Variants in CDK14 observed in about 807,000 individuals in gnomAD.
The protein encoded by CDK14 is cyclin dependent kinase 14.
In CDK14, 34 loss-of-function variants were observed where a neutral mutation model predicts 60.7. The observed-to-expected ratio is 0.56, with a 90% confidence interval of 0.43 to 0.75. The LOEUF (loss-of-function observed/expected upper bound fraction) is 0.75, where lower values mean the gene tolerates loss of function less well. CDK14 is among the 30% of genes least tolerant of loss of function. CDK14 has a pLI of 0.00. For missense variants in CDK14, 482 were observed against 564.1 expected (o/e 0.85, Z 1.47); for synonymous variants, 197 against 203.7 (o/e 0.97, Z 0.28).
chr7:91,062,777 G>A (rs991557516), intron 11 of CDK14, among the ~76,000 whole-genome samples: 2 of 152,070 alleles, frequency 1.3e-5, no homozygotes, highest in African/African-American at 4.8e-5. Flanking sequence ...CCACCCCAAA[G>A]GTGTACTATA....
At chr7:91,048,997 C>T (rs1004182021) in intron 11 of CDK14, among the ~76,000 whole-genome samples, 5 of 152,002 alleles carry the variant, frequency 3.3e-5, no homozygotes, top group Non-Finnish European at 7.3e-5. Context: ...TGCTCAGCCT[C>T]TCAGGTAGCT....
chr7:91,096,065 CA>C (rs112016367), intron 12 of CDK14, among the ~76,000 whole-genome samples: 69 of 64,548 alleles, frequency 1.1e-3, no homozygotes, highest in Middle Eastern at 0.013. Flanking sequence ...CACAATTTGC[CA>C]AAAAAAAAAA....
chr7:90,667,794 CTCCTGACTTTGTGA>C (rs796744414), intron 2 of CDK14, among the ~76,000 whole-genome samples: 2 of 152,246 alleles, frequency 1.3e-5, no homozygotes, highest in African/African-American at 4.8e-5. Context: ...TGGTCTCAAT[CTCCTGACTTTGTGA>C]TCCGCCCGCC....
chr7:90,930,485 T>C (rs1584136368), intron 8 of CDK14, among the ~76,000 whole-genome samples: 1 of 150,784 alleles, frequency 6.6e-6, no homozygotes, highest in African/African-American at 2.4e-5. Flanking sequence ...TGGATATGGG[T>C]GATATGGGCA....
intron 1 of CDK14, among the ~76,000 whole-genome samples, chr7:90,599,661 C>T (rs1052011463): frequency 2.0e-5 from 3 of 152,140 alleles, no homozygotes; most frequent in Admixed American, 1.3e-4. Context: ...ATGAGGAGAT[C>T]GAAGAGTGAA....
chr7:91,199,529 A>G (rs1802652220), intron 14 of CDK14, among the ~76,000 whole-genome samples: 1 of 152,186 alleles, frequency 6.6e-6, no homozygotes, highest in Non-Finnish European at 1.5e-5. Context: ...CACCATTAAA[A>G]TAGAACATTC....
chr7:90,630,888 ATG>A (rs55859300), intron 2 of CDK14, among the ~76,000 whole-genome samples: 19,860 of 148,282 alleles, frequency 0.13, 1,458 homozygotes, highest in Non-Finnish European at 0.17. Flanking sequence ...TGGGGTGTGT[ATG>A]TGTGTGTGTG....
At chr7:90,626,556 A>G (rs1231986754) in intron 2 of CDK14, among the ~76,000 whole-genome samples, 1 of 152,252 alleles carries the variant, frequency 6.6e-6, no homozygotes, top group Non-Finnish European at 1.5e-5. Context: ...TGATGCATGT[A>G]TAATTCTAAT....
At chr7:90,735,661 C>T (rs1000703887) in intron 3 of CDK14, among the ~76,000 whole-genome samples, 7 of 152,208 alleles carry the variant, frequency 4.6e-5, no homozygotes, top group Admixed American at 1.3e-4. Context: ...TCAGCAAAGG[C>T]GATTCTCCCA....
intron 10 of CDK14, among the ~76,000 whole-genome samples, chr7:91,020,860 T>C (rs1210725610): frequency 1.3e-5 from 2 of 152,192 alleles, no homozygotes; most frequent in African/African-American, 4.8e-5. Flanking sequence ...AGCGTGGGTG[T>C]TGGCTGGACT....
At chr7:90,602,472 GTTAA>G (rs1230950320) in intron 1 of CDK14, among the ~76,000 whole-genome samples, 1 of 152,208 alleles carries the variant, frequency 6.6e-6, no homozygotes, top group Admixed American at 6.5e-5. Context: ...GTCAAAGTAT[GTTAA>G]TTAAAGGACA....
intron 6 of CDK14, among the ~76,000 whole-genome samples, chr7:90,895,801 T>C (rs558083855): frequency 6.7e-6 from 1 of 148,250 alleles, no homozygotes; most frequent in South Asian, 2.2e-4. Flanking sequence ...GTCTTGAACT[T>C]CTGACCTCAA....
At chr7:90,943,595 T>C (rs1197982683) in intron 8 of CDK14, among the ~76,000 whole-genome samples, 1 of 152,160 alleles carries the variant, frequency 6.6e-6, no homozygotes, top group Non-Finnish European at 1.5e-5. Flanking sequence ...AATAAGAATA[T>C]TAATAGCCTT....
At chr7:90,994,336 G>A (rs921454037) in intron 10 of CDK14, among the ~76,000 whole-genome samples, 2 of 152,164 alleles carry the variant, frequency 1.3e-5, no homozygotes, top group African/African-American at 4.8e-5. Context: ...TGGTGGTTGG[G>A]TTCCAAGAGT....
intron 5 of CDK14, among the ~76,000 whole-genome samples, chr7:90,836,212 T>C (rs1055841763): frequency 2.6e-5 from 4 of 152,168 alleles, no homozygotes; most frequent in African/African-American, 9.7e-5. Context: ...TTTTTTTACT[T>C]TATAAACTTT....
intron 4 of CDK14, among the ~76,000 whole-genome samples, chr7:90,759,421 G>A (rs772645066): frequency 6.6e-6 from 1 of 152,206 alleles, no homozygotes; most frequent in Non-Finnish European, 1.5e-5. Context: ...TTAAGCAAAA[G>A]TGTTTTGTTT....
intron 11 of CDK14, among the ~76,000 whole-genome samples, chr7:91,078,222 G>T (rs1798379988): frequency 6.6e-6 from 1 of 152,212 alleles, no homozygotes; most frequent in African/African-American, 2.4e-5. Flanking sequence ...TAAGGGAAAA[G>T]AAATTGGAAA....
chr7:91,104,068 T>A (rs938301317), intron 12 of CDK14, among the ~76,000 whole-genome samples: 1 of 152,214 alleles, frequency 6.6e-6, no homozygotes, highest in African/African-American at 2.4e-5. Context: ...TAAAATTCCT[T>A]AGTTTTTTTT....
At chr7:91,071,455 C>A (rs1454145160) in intron 11 of CDK14, among the ~76,000 whole-genome samples, 2 of 152,182 alleles carry the variant, frequency 1.3e-5, no homozygotes, top group Admixed American at 6.5e-5. Context: ...CTCACCCCCC[C>A]AGCCAAGGGA....
Sources: gnomAD v4.1 joint callset for allele counts (sites outside exome capture counted in the v4.1 genomes callset) on GRCh38, gnomAD v4.1.1 for gene constraint, MANE v1.5 for transcripts, NCBI Gene and HGNC (gene_info 2026-07-23, HGNC 2026-07-21) for gene names.